The following ZFPM2 variants were observed in gnomAD, a reference collection of about 807,000 sequenced individuals.
ZFPM2 encodes zinc finger protein, FOG family member 2.
Under a neutral mutation model 98.6 loss-of-function variants are expected in ZFPM2, and 20 were observed. The ratio of observed to expected loss-of-function variants is 0.20; its 90% CI spans 0.14 to 0.29. ZFPM2 has a LOEUF of 0.29. Among genes scored for constraint, ZFPM2 ranks in the 10% least tolerant of loss-of-function variants. The probability of loss-of-function intolerance (pLI) is 1.00; values close to 1 mark genes in which losing one functional copy is unlikely to be tolerated. For missense variants in ZFPM2, 1,310 were observed against 1,388.6 expected (o/e 0.94, Z 0.90); for synonymous variants, 518 against 502.7 (o/e 1.03, Z -0.41).
At chr8:105,703,649 A>G (rs1400990566) in intron 5 of ZFPM2, among the ~76,000 whole-genome samples, 4 of 152,204 alleles carry the variant, frequency 2.6e-5, no homozygotes, top group East Asian at 1.9e-4. Flanking sequence ...TTCATTACAT[A>G]TGGCAACCTG....
At chr8:105,628,933 G>A (rs555284595) in intron 4 of ZFPM2, among the ~76,000 whole-genome samples, 1 of 152,098 alleles carries the variant, frequency 6.6e-6, no homozygotes, top group African/African-American at 2.4e-5. Context: ...CCACTGAACT[G>A]TTAACAGTTA....
intron 3 of ZFPM2, among the ~76,000 whole-genome samples, chr8:105,450,979 C>T (rs769161027): frequency 6.7e-6 from 1 of 148,536 alleles, no homozygotes; most frequent in Non-Finnish European, 1.5e-5. Flanking sequence ...TAAACACAAC[C>T]AAAAAGAAAA....
At chr8:105,627,566 A>G (rs1816682208) in intron 4 of ZFPM2, among the ~76,000 whole-genome samples, 1 of 152,216 alleles carries the variant, frequency 6.6e-6, no homozygotes, top group South Asian at 2.1e-4. Flanking sequence ...TCAAAATGGA[A>G]AAAATGGAGA....
At chr8:105,412,411 G>A (rs1054638983) in intron 1 of ZFPM2, among the ~76,000 whole-genome samples, 3 of 151,506 alleles carry the variant, frequency 2.0e-5, no homozygotes, top group Non-Finnish European at 4.4e-5. Flanking sequence ...ATAAAAAAGA[G>A]GTACAGCTAT....
intron 5 of ZFPM2, among the ~76,000 whole-genome samples, chr8:105,723,932 G>C (rs1331537159): frequency 6.6e-6 from 1 of 151,426 alleles, no homozygotes; most frequent in African/African-American, 2.4e-5. Context: ...TGACATCCAG[G>C]AACTTGTTTG....
intron 1 of ZFPM2, among the ~76,000 whole-genome samples, chr8:105,385,554 C>A (rs1429964260): frequency 6.6e-6 from 1 of 152,144 alleles, no homozygotes; most frequent in African/African-American, 2.4e-5. Context: ...TTGCTTCTTA[C>A]CTATTTTAAT....
intron 1 of ZFPM2, among the ~76,000 whole-genome samples, chr8:105,400,238 A>G (rs753753507): frequency 1.3e-5 from 2 of 151,788 alleles, no homozygotes; most frequent in Non-Finnish European, 2.9e-5. Flanking sequence ...AAAAAATCTG[A>G]AATTTATTTT....
At chr8:105,766,466 A>T in intron 5 of ZFPM2, among the ~76,000 whole-genome samples, 1 of 151,920 alleles carries the variant, frequency 6.6e-6, no homozygotes, top group Non-Finnish European at 1.5e-5. Context: ...GAACAGGATC[A>T]GACTTGTGTT....
chr8:105,698,154 C>CTAAT (rs1232976039), intron 5 of ZFPM2, among the ~76,000 whole-genome samples: 2 of 152,190 alleles, frequency 1.3e-5, no homozygotes, highest in African/African-American at 4.8e-5. Flanking sequence ...GAAATCAGTG[C>CTAAT]TAATTACCTT....
intron 4 of ZFPM2, among the ~76,000 whole-genome samples, chr8:105,587,510 A>G (rs1815749123): frequency 6.6e-6 from 1 of 152,164 alleles, no homozygotes; most frequent in South Asian, 2.1e-4. Context: ...CAAATACCAA[A>G]ACCAAAGGAA....
intron 3 of ZFPM2, among the ~76,000 whole-genome samples, chr8:105,469,542 T>C (rs1812858248): frequency 6.6e-6 from 1 of 152,212 alleles, no homozygotes; most frequent in African/African-American, 2.4e-5. Flanking sequence ...GCACTGACAG[T>C]GTGGAGGGCC....
At chr8:105,676,694 AAGTACCAATGAAAG>A (rs1175457327) in intron 5 of ZFPM2, among the ~76,000 whole-genome samples, 2 of 152,044 alleles carry the variant, frequency 1.3e-5, no homozygotes, top group Non-Finnish European at 2.9e-5. Context: ...CTGAATGGAC[AAGTACCAATGAAAG>A]ATGGGACAAA....
At chr8:105,711,178 G>T (rs1811386957) in intron 5 of ZFPM2, among the ~76,000 whole-genome samples, 1 of 151,930 alleles carries the variant, frequency 6.6e-6, no homozygotes, top group East Asian at 1.9e-4. Context: ...GAATATTTGG[G>T]ACACAAAGTC....
chr8:105,351,164 C>A (rs1812634918), intron 1 of ZFPM2, among the ~76,000 whole-genome samples: 1 of 141,410 alleles, frequency 7.1e-6, no homozygotes, highest in African/African-American at 2.7e-5. Flanking sequence ...CAGAGTGAGA[C>A]TCTGTCTCAA....
intron 5 of ZFPM2, among the ~76,000 whole-genome samples, chr8:105,659,112 C>T (rs1254735136): frequency 2.0e-5 from 3 of 152,098 alleles, no homozygotes; most frequent in Non-Finnish European, 4.4e-5. Flanking sequence ...TATCAGATAG[C>T]TTTGGTAACT....
intron 3 of ZFPM2, among the ~76,000 whole-genome samples, chr8:105,489,466 A>ATATATATATATATATATATATTT (rs1554610604): frequency 7.5e-5 from 9 of 119,774 alleles, no homozygotes; most frequent in African/African-American, 3.3e-4. Context: ...ATATATATAT[A>ATATATATATATATATATATATTT]TTTTTTTTTT....
At chr8:105,431,754 A>C (rs1174870685) in intron 2 of ZFPM2, among the ~76,000 whole-genome samples, 1 of 151,986 alleles carries the variant, frequency 6.6e-6, no homozygotes, top group African/African-American at 2.4e-5. Flanking sequence ...CTCTATAAAA[A>C]ATAACAAACA....
chr8:105,483,808 A>T (rs1813173155), intron 3 of ZFPM2, among the ~76,000 whole-genome samples: 1 of 147,458 alleles, frequency 6.8e-6, no homozygotes. Flanking sequence ...ATCTTGGCTC[A>T]CTGCAACCTC....
At chr8:105,562,572 G>C in intron 4 of ZFPM2, among the ~76,000 whole-genome samples, 1 of 152,144 alleles carries the variant, frequency 6.6e-6, no homozygotes, top group Non-Finnish European at 1.5e-5. Flanking sequence ...ATGCTTTATA[G>C]GAGAATCTGT....
Sources: gnomAD v4.1 joint callset for allele counts (sites outside exome capture counted in the v4.1 genomes callset) on GRCh38, gnomAD v4.1.1 for gene constraint, MANE v1.5 for transcripts, NCBI Gene and HGNC (gene_info 2026-07-23, HGNC 2026-07-21) for gene names.